RTKN2: variants seen among roughly 807,000 people sequenced by gnomAD.
The protein encoded by RTKN2 is rhotekin-2.
In RTKN2, 69 loss-of-function variants were observed where a neutral mutation model predicts 71.5. The observed-to-expected ratio is 0.96, with a 90% CI of 0.79 to 1.18. The LOEUF is 1.18. Among genes scored for constraint, RTKN2 ranks in the 50% most tolerant of loss-of-function variants. The pLI is 0.00. For missense variants in RTKN2, 724 were observed against 719.7 expected (o/e 1.01, Z -0.07); for synonymous variants, 236 against 236.5 (o/e 1.00, Z 0.02).
At chr10:62,242,455 G>A (rs1480526499) in intron 3 of RTKN2, among the ~76,000 whole-genome samples, 1 of 151,568 alleles carries the variant, frequency 6.6e-6, no homozygotes, top group African/African-American at 2.4e-5. Context: ...TCTTGTAAAG[G>A]GTATCTTTTT....
intron 5 of RTKN2, 29 bp from the exon 6 acceptor site, chr10:62,236,292 A>C: frequency 2.1e-6 from 3 of 1,424,292 alleles, no homozygotes; most frequent in Non-Finnish European, 2.9e-6. Flanking sequence ...ATAATGTTGG[A>C]AATTTAACTC....
At position 62,196,684 on chromosome 10, in the gene RTKN2, T is replaced by G. The variant is rs1017393835; in HGVS notation, c.*1224A>C. 1.0e-6 allele frequency: 1 copy of G among 985,186 alleles called. No individual in the cohort carries two copies. The highest frequency in any genetic ancestry group is 1.2e-6 in the Non-Finnish European group (1 of 829,686). The allele number at this position is 985,186 out of a possible 1,614,324, so 61.0% of individuals were successfully genotyped here. On this transcript the variant is annotated 3_prime_UTR_variant, in exon 12 of 12. Coordinates refer to ENST00000373789, the MANE Select transcript of RTKN2 (RefSeq NM_145307.4). Reference sequence around the variant, plus strand: ...AATTTTTATTTCTTGCAATGACATTTAGGGTTCAGTGTGATTTGAGATTTT... The same window carrying G: ...AATTTTTATTTCTTGCAATGACATTGAGGGTTCAGTGTGATTTGAGATTTT...
chr10:62,262,920 G>T, intron 1 of RTKN2, 99 bp from the exon 2 acceptor site: 1 of 656,212 alleles, frequency 1.5e-6, no homozygotes. Context: ...ATACCATATT[G>T]AGAAAGCAAC....
intron 8 of RTKN2, among the ~76,000 whole-genome samples, chr10:62,185,511 G>A (rs185532578): frequency 1.3e-3 from 194 of 152,270 alleles, no homozygotes; most frequent in African/African-American, 4.3e-3. Flanking sequence ...AGCTACTCAG[G>A]AGGCTGAGGC....
In RTKN2 at chr10:62,194,020, T is replaced by C. The variant is rs41274056; in HGVS notation, c.*3888A>G. 8.4e-3 allele frequency: 8,313 copies of C among 984,736 alleles called. 36 individuals are homozygous for C. Among genetic ancestry groups the C allele is most frequent in the Middle Eastern group, 0.02 (39 of 1,910 alleles). The allele number at this position is 984,736 out of a possible 1,614,324, so 61.0% of individuals were successfully genotyped here. ...CGTCTTCATGAATCAGTTCTTTTAATGTACAGAAGTTTCAATTACATGACT... is the reference window on the plus strand; with the variant it reads ...CGTCTTCATGAATCAGTTCTTTTAACGTACAGAAGTTTCAATTACATGACT... On this transcript the variant is annotated 3_prime_UTR_variant, in exon 12 of 12. Coordinates refer to ENST00000373789, the MANE Select transcript of RTKN2 (RefSeq NM_145307.4).
chr10:62,240,322 T>C (rs1433516872), intron 4 of RTKN2, among the ~76,000 whole-genome samples: 1 of 146,920 alleles, frequency 6.8e-6, no homozygotes, highest in Non-Finnish European at 1.5e-5. Flanking sequence ...GCCTTTTGAT[T>C]TGGTGATGTT....
At position 62,268,752 on chromosome 10, in the gene RTKN2, CGGGCCGAAGCGCACGCGCA is replaced by C; in HGVS notation, c.-161_-143del. 1 of 821,836 alleles carries C rather than the reference CGGGCCGAAGCGCACGCGCA, an allele frequency of 1.2e-6. No individual in the cohort carries two copies. Among genetic ancestry groups the C allele is most frequent in the Non-Finnish European group, 1.9e-6 (1 of 536,108 alleles). The allele number at this position is 821,836 out of a possible 1,614,324, so 50.9% of individuals were successfully genotyped here. A position where few individuals can be genotyped will look rare whatever the true frequency, so the allele number is the denominator to read the frequency against. On this transcript the variant is annotated 5_prime_UTR_variant, in exon 1 of 12. Coordinates refer to ENST00000373789, the MANE Select transcript of RTKN2 (RefSeq NM_145307.4). The stretch of plus-strand genomic sequence containing the variant: ...CAGGGGCCGGGGGCGCAGGAGGAGC[CGGGCCGAAGCGCACGCGCA>C]GTGGGCGCGCCTTGCGCTCTGCAGC...
intron 9 of RTKN2, among the ~76,000 whole-genome samples, chr10:62,215,290 TA>T (rs1308234413): frequency 1.3e-5 from 2 of 151,958 alleles, no homozygotes; most frequent in African/African-American, 4.8e-5. Context: ...TAGTTACATA[TA>T]GATTTGGAGA....
intron 10 of RTKN2, among the ~76,000 whole-genome samples, chr10:62,200,356 C>A (rs1238878821): frequency 9.7e-6 from 1 of 102,566 alleles, no homozygotes; most frequent in African/African-American, 3.9e-5. Context: ...GAGAGAGACT[C>A]CGTCTCAAAA....
intron 7 of RTKN2, among the ~76,000 whole-genome samples, chr10:62,222,859 T>C (rs975861010): frequency 2.2e-4 from 34 of 152,210 alleles, no homozygotes; most frequent in African/African-American, 7.7e-4. Context: ...AAAGTTAAGA[T>C]AATTTAACCC....
chr10:62,208,648 T>A (rs924042302), intron 9 of RTKN2, among the ~76,000 whole-genome samples: 10 of 151,904 alleles, frequency 6.6e-5, no homozygotes, highest in African/African-American at 2.4e-4. Context: ...GTAACTGACA[T>A]ATAAATGGGA....
chr10:62,190,334 T>A (rs947544259), downstream of RTKN2, among the ~76,000 whole-genome samples: 1 of 152,212 alleles, frequency 6.6e-6, no homozygotes, highest in African/African-American at 2.4e-5. Flanking sequence ...TAGGTTCAAA[T>A]CCTGTCTCCA....
intron 9 of RTKN2, 136 bp from the exon 10 acceptor site, chr10:62,205,158 C>T (rs1841524862): frequency 1.4e-6 from 1 of 693,474 alleles, no homozygotes; most frequent in Non-Finnish European, 2.3e-6. Flanking sequence ...AAATTTAAAA[C>T]ATGTAATTTT....
Position 62,205,004 on chromosome 10 carries a change from T to C in RTKN2, c.1039A>G (p.Met347Val), listed in dbSNP as rs926076376. The change falls in exon 10 of 12, where the codon ATG becomes GTG. Residue 347 changes from methionine (M) to valine (V), a missense_variant. Transcript: ENST00000373789. ...ATTCTTTTCTTGGCATCCTTATCCA[T>C]TGCCCGGATTCTGGTTTCCTAAAAA... is the stretch of plus-strand genomic sequence containing the variant. ...PINKETRIRA[M>V]DKDAKKRIHN... 1 of 1,586,446 alleles carries C rather than the reference T, an allele frequency of 6.3e-7. No individual in the cohort carries two copies. The highest frequency in any genetic ancestry group is 8.5e-7 in the Non-Finnish European group (1 of 1,172,582).
chr10:62,235,695 T>C (rs554285701), intron 6 of RTKN2, among the ~76,000 whole-genome samples: 111 of 151,968 alleles, frequency 7.3e-4, no homozygotes, highest in African/African-American at 2.4e-3. Flanking sequence ...TGTGTATACA[T>C]GTATGTATAT....
chr10:62,204,037 C>T (rs1444742048), intron 10 of RTKN2, among the ~76,000 whole-genome samples: 2 of 152,192 alleles, frequency 1.3e-5, no homozygotes, highest in Non-Finnish European at 2.9e-5. Context: ...AGGATTATTT[C>T]CATGAGTTGC....
rs373658076 is a variant in RTKN2 at position 62,198,228 on chromosome 10, C to A, written c.1510G>T (p.Ala504Ser). 1 of 1,613,928 alleles carries A rather than the reference C, an allele frequency of 6.2e-7. No homozygotes were observed. The highest frequency in any genetic ancestry group is 1.7e-5 in the Admixed American group (1 of 59,982). The change falls in exon 12 of 12, where the codon GCT becomes TCT. Residue 504 changes from alanine to serine, a missense_variant. By Grantham distance (99) the Ala-to-Ser change is moderately conservative. Transcript: ENST00000373789. ...AGTTTATCAGAAGGAGGAAGGGGAG[C>A]TTGTCTCTTTTTCCCTTTTTCATCA... The part of the protein sequence containing the change: ...LHDEKGKKRQ[A>S]PLPPSDKLPF...
intron 6 of RTKN2, among the ~76,000 whole-genome samples, chr10:62,224,864 CATG>C (rs1361625776): frequency 2.0e-5 from 3 of 152,110 alleles, no homozygotes; most frequent in African/African-American, 7.2e-5. Context: ...AAGCAGCAAG[CATG>C]GTGCAACGCA....
At chr10:62,258,447 T>C (rs542861305) in intron 2 of RTKN2, among the ~76,000 whole-genome samples, 123 of 152,216 alleles carry the variant, frequency 8.1e-4, no homozygotes, top group Non-Finnish European at 1.5e-3. Context: ...ACACACAGTT[T>C]TGATTTCCTC....
Sources: allele counts gnomAD v4.1 joint callset (sites outside exome capture counted in the v4.1 genomes callset), GRCh38; gene constraint gnomAD v4.1.1; transcripts MANE v1.5; gene names NCBI Gene and HGNC (gene_info 2026-07-23, HGNC 2026-07-21).